Variants in APBA2 observed in about 807,000 individuals in gnomAD.
APBA2 encodes the protein amyloid-beta A4 precursor protein-binding family A member 2.
APBA2 carries 30 observed loss-of-function variants against 75.0 expected under a neutral mutation model. The observed-to-expected ratio is 0.40, with a 90% CI of 0.30 to 0.54. The LOEUF (loss-of-function observed/expected upper bound fraction) is 0.54, where lower values mean the gene tolerates loss of function less well. Ranked by LOEUF, APBA2 falls within the 20% of genes least tolerant of loss-of-function variation. The pLI is 0.49. For missense variants in APBA2, 801 were observed against 1,016.1 expected (o/e 0.79, Z 2.88); for synonymous variants, 444 against 409.6 (o/e 1.08, Z -1.01).
At chr15:28,956,607 G>A (rs2036181401) in intron 2 of APBA2, among the ~76,000 whole-genome samples, 1 of 152,166 alleles carries the variant, frequency 6.6e-6, no homozygotes, top group African/African-American at 2.4e-5. Flanking sequence ...CCATGTTTAA[G>A]TGTAGAGCTC....
intron 14 of APBA2, among the ~76,000 whole-genome samples, chr15:29,114,366 C>A (rs935064421): frequency 2.0e-5 from 3 of 152,230 alleles, no homozygotes; most frequent in African/African-American, 4.8e-5. Flanking sequence ...CCTCCCACAG[C>A]CAGGCTGCTT....
chr15:29,021,389 A>G lies in APBA2; in HGVS notation c.-41+25583A>G, dbSNP rs545742091. 5.3e-5 allele frequency among the ~76,000 whole-genome samples: 8 copies of G among 152,006 alleles called. 1 individual carries two copies. In the South Asian group the frequency reaches 1.7e-3, roughly 32 times the overall value. ...CTAAAAATACAAAAATTAGCTGGGCATGGTGGCGCGCGCCTGTAGTGCCAG... is the reference window on the plus strand; with the variant it reads ...CTAAAAATACAAAAATTAGCTGGGCGTGGTGGCGCGCGCCTGTAGTGCCAG... On this transcript the variant is annotated intron_variant, in intron 3 of 14. Transcript: ENST00000683413.
At chr15:29,061,824 G>A (rs369679912) in intron 4 of APBA2, among the ~76,000 whole-genome samples, 20 of 152,332 alleles carry the variant, frequency 1.3e-4, no homozygotes, top group African/African-American at 4.3e-4. Context: ...CACATGCCCC[G>A]CTGGGCAGCA....
At chr15:28,889,539 C>T (rs1595385330) in intron 1 of APBA2, among the ~76,000 whole-genome samples, 1 of 152,222 alleles carries the variant, frequency 6.6e-6, no homozygotes, top group Non-Finnish European at 1.5e-5. Flanking sequence ...AAGAATGGCC[C>T]CTCCAGGCTG....
intron 12 of APBA2, among the ~76,000 whole-genome samples, chr15:29,107,408 C>T (rs2044480368): frequency 6.6e-6 from 1 of 152,202 alleles, no homozygotes; most frequent in South Asian, 2.1e-4. Context: ...GTTCTGCCTG[C>T]TGCTGGCGGC....
chr15:29,089,418 G>T (rs2043446446), intron 6 of APBA2, among the ~76,000 whole-genome samples: 1 of 152,208 alleles, frequency 6.6e-6, no homozygotes, highest in African/African-American at 2.4e-5. Context: ...GCAGAGAGCA[G>T]CGGGCCTTGT....
chr15:28,886,552 C>T (rs937158032), intron 1 of APBA2, among the ~76,000 whole-genome samples: 3 of 149,924 alleles, frequency 2.0e-5, no homozygotes, highest in Admixed American at 6.6e-5. Context: ...CTCTCGCATC[C>T]CGCGCGGGGG....
intron 3 of APBA2, among the ~76,000 whole-genome samples, chr15:29,053,328 A>G (rs1447334629): frequency 6.6e-6 from 1 of 152,170 alleles, no homozygotes; most frequent in Non-Finnish European, 1.5e-5. Context: ...AACATTGTTC[A>G]GTTTGAGGGG....
intron 4 of APBA2, among the ~76,000 whole-genome samples, chr15:29,066,823 C>T (rs1238340939): frequency 6.6e-6 from 1 of 152,040 alleles, no homozygotes; most frequent in Non-Finnish European, 1.5e-5. Flanking sequence ...CAGTCTGAAC[C>T]CATGTAGCCA....
intron 6 of APBA2, among the ~76,000 whole-genome samples, chr15:29,092,347 C>T (rs1030054121): frequency 1.3e-5 from 2 of 152,172 alleles, no homozygotes; most frequent in African/African-American, 4.8e-5. Context: ...TTGGATATGA[C>T]TCTAACATGT....
intron 3 of APBA2, among the ~76,000 whole-genome samples, chr15:29,041,738 A>G (rs2041057728): frequency 6.6e-6 from 1 of 152,184 alleles, no homozygotes; most frequent in African/African-American, 2.4e-5. Context: ...TTCCAGCAGG[A>G]TTTAAAAAAC....
At chr15:28,969,140 C>CTTTCTTTCTTTT in intron 2 of APBA2, among the ~76,000 whole-genome samples, 1 of 70,474 alleles carries the variant, frequency 1.4e-5, no homozygotes, top group South Asian at 6.8e-4. Context: ...TTCTTTCTTT[C>CTTTCTTTCTTTT]TTTCTTTCTT....
At chr15:28,988,604 TC>T (rs1394607572) in intron 2 of APBA2, among the ~76,000 whole-genome samples, 1 of 152,252 alleles carries the variant, frequency 6.6e-6, no homozygotes, top group East Asian at 1.9e-4. Flanking sequence ...GTGAGATTCA[TC>T]CATGTGAAAA....
chr15:28,986,068 C>T (rs576784069), intron 2 of APBA2, among the ~76,000 whole-genome samples: 24 of 152,290 alleles, frequency 1.6e-4, no homozygotes, highest in African/African-American at 4.3e-4. Flanking sequence ...AAATTAATAT[C>T]GTAATGCAGT....
intron 3 of APBA2, among the ~76,000 whole-genome samples, chr15:29,041,456 C>T (rs1163269059): frequency 6.7e-6 from 1 of 148,286 alleles, no homozygotes; most frequent in Non-Finnish European, 1.5e-5. Flanking sequence ...TTACTCCAGC[C>T]TGGGTGACAG....
chr15:28,995,212 A>G (rs1010283637), intron 2 of APBA2, among the ~76,000 whole-genome samples: 2 of 152,038 alleles, frequency 1.3e-5, no homozygotes, highest in African/African-American at 2.4e-5. Context: ...GAAGTCTGAG[A>G]CCTGGTGGCC....
intron 3 of APBA2, among the ~76,000 whole-genome samples, chr15:29,011,026 G>A (rs1473664604): frequency 6.6e-6 from 1 of 152,084 alleles, no homozygotes; most frequent in Non-Finnish European, 1.5e-5. Flanking sequence ...CCTTGCCCCA[G>A]CCTCTGGGAG....
At chr15:29,069,768 C>G (rs905752500) in intron 4 of APBA2, among the ~76,000 whole-genome samples, 2 of 152,244 alleles carry the variant, frequency 1.3e-5, no homozygotes, top group African/African-American at 4.8e-5. Flanking sequence ...ATGGGACATA[C>G]AACAGGCACC....
intron 3 of APBA2, among the ~76,000 whole-genome samples, chr15:29,002,767 G>A (rs541099328): frequency 2.0e-5 from 3 of 152,214 alleles, no homozygotes; most frequent in East Asian, 3.9e-4. Flanking sequence ...CCTTCAGTTC[G>A]AGAATCAGCC....
Sources: gnomAD v4.1 joint callset for allele counts (sites outside exome capture counted in the v4.1 genomes callset) on GRCh38, gnomAD v4.1.1 for gene constraint, MANE v1.5 for transcripts, NCBI Gene and HGNC (gene_info 2026-07-23, HGNC 2026-07-21) for gene names.